The following AKT2 variants were observed in gnomAD, a reference collection of about 807,000 sequenced individuals.
The protein encoded by AKT2 is RAC-beta serine/threonine-protein kinase.
AKT2 carries 16 observed loss-of-function variants against 58.6 expected under a neutral mutation model. The ratio of observed to expected loss-of-function variants is 0.27; its 90% CI spans 0.18 to 0.41. AKT2 has a LOEUF of 0.41. Among genes scored for constraint, AKT2 ranks in the 10% least tolerant of loss-of-function variants. The pLI, the probability that AKT2 is intolerant of heterozygous loss-of-function variation, is 1.00. For missense variants in AKT2, 438 were observed against 661.0 expected (o/e 0.66, Z 3.70); for synonymous variants, 253 against 254.0 (o/e 1.00, Z 0.04).
At chr19:40,240,173 C>A (rs555870471) in intron 6 of AKT2, 63 bp from the exon 7 acceptor site, 1 of 1,516,512 alleles carries the variant, frequency 6.6e-7, no homozygotes, top group Admixed American at 1.7e-5. Context: ...TCCGCCCCGA[C>A]GAAGGGGAGC....
chr19:40,283,680 G>C (rs1209268345), intron 1 of AKT2, among the ~76,000 whole-genome samples: 3 of 152,104 alleles, frequency 2.0e-5, no homozygotes, highest in Non-Finnish European at 2.9e-5. Flanking sequence ...CAGACCTCTG[G>C]GGCTGGCTGC....
Position 40,237,140 on chromosome 19 carries a change from C to A in AKT2, c.832-755G>T, listed in dbSNP as rs1438356162. ...GTGTGTAGCTGTAGCTCATTCCTAACTGCTGTGTGGCGTCCCACTGTGAGA... is the reference window on the plus strand; with the variant it reads ...GTGTGTAGCTGTAGCTCATTCCTAAATGCTGTGTGGCGTCCCACTGTGAGA... On this transcript the variant is annotated intron_variant, in intron 9 of 13. Coordinates refer to ENST00000392038, the MANE Select transcript of AKT2 (RefSeq NM_001626.6). The surrounding 1 kb of genome is among the most constrained non-coding windows in gnomAD (Gnocchi z 4.5). 1 of 155,140 alleles carries A rather than the reference C, an allele frequency of 6.4e-6. No individual in the cohort carries two copies. The highest frequency in any genetic ancestry group is 1.4e-5 in the Non-Finnish European group (1 of 70,046). 9.6% of individuals were successfully genotyped at this position (155,140 alleles called of 1,614,324 possible). A position where few individuals can be genotyped will look rare whatever the true frequency, so the allele number is the denominator to read the frequency against.
intron 1 of AKT2, among the ~76,000 whole-genome samples, chr19:40,284,315 G>T (rs2145446017): frequency 6.6e-6 from 1 of 152,222 alleles, no homozygotes; most frequent in African/African-American, 2.4e-5. Context: ...TCTTCAGAAT[G>T]TTAAGGCTCA....
chr19:40,262,681 C>A (rs757466453), intron 2 of AKT2, among the ~76,000 whole-genome samples: 1 of 152,220 alleles, frequency 6.6e-6, no homozygotes, highest in Non-Finnish European at 1.5e-5. Context: ...CCACTCCTTG[C>A]TGAAACCTCA....
chr19:40,253,666 T>C (rs915944222), intron 4 of AKT2, among the ~76,000 whole-genome samples: 5 of 152,134 alleles, frequency 3.3e-5, no homozygotes, highest in African/African-American at 1.2e-4. Context: ...CACAAACTTA[T>C]TTTCCCTGTG....
In AKT2 at chr19:40,237,875, C is replaced by T. The variant is rs1248488444; in HGVS notation, c.831+94G>A. 7 of 1,555,978 alleles carry T rather than the reference C, an allele frequency of 4.5e-6. No individual in the cohort carries two copies. The highest frequency in any genetic ancestry group is 1.4e-5 in the African/African-American group (1 of 73,830). ...CCCTGGACCTTGGTGGGGAGCCTGGCGAATGAGGGCAGAAGCTCAGCCCAA... is the reference window on the plus strand; with the variant it reads ...CCCTGGACCTTGGTGGGGAGCCTGGTGAATGAGGGCAGAAGCTCAGCCCAA... On this transcript the variant is annotated intron_variant, in intron 9 of 13. Transcript: ENST00000392038. This position sits in a 1 kb window ranked among gnomAD's most constrained non-coding sequence, Gnocchi z 4.5.
chr19:40,256,269 A>G (rs955203778), intron 3 of AKT2, among the ~76,000 whole-genome samples: 1 of 152,152 alleles, frequency 6.6e-6, no homozygotes, highest in African/African-American at 2.4e-5. Flanking sequence ...ACAGCATGGC[A>G]GGAGAGGATA....
chr19:40,237,918 C>G lies in AKT2; in HGVS notation c.831+51G>C. The G allele has an allele frequency of 6.2e-7, 1 of 1,608,324 alleles. No individual in the cohort carries two copies. The highest frequency in any genetic ancestry group is 8.5e-7 in the Non-Finnish European group (1 of 1,178,228). ...CAGCCCAACTTCCCCAGTGTGAGTC[C>G]CATGTGGTGTGCATGCCACAGGTCA... is the stretch of plus-strand genomic sequence containing the variant. On this transcript the variant is annotated intron_variant, in intron 9 of 13. Transcript: ENST00000392038. The surrounding 1 kb of genome is among the most constrained non-coding windows in gnomAD (Gnocchi z 4.5).
chr19:40,273,795 G>A (rs1468520690), intron 1 of AKT2, among the ~76,000 whole-genome samples: 3 of 152,092 alleles, frequency 2.0e-5, no homozygotes, highest in Non-Finnish European at 4.4e-5. Flanking sequence ...TACACTCTGA[G>A]GGCTCCATGC....
intron 1 of AKT2, chr19:40,275,325 G>A (rs942576444): frequency 9.2e-5 from 42 of 456,618 alleles, no homozygotes; most frequent in African/African-American, 3.4e-4. Flanking sequence ...CCTGACCCAC[G>A]TCGCTCTGCA....
Position 40,237,890 on chromosome 19 carries a change from G to C in AKT2, c.831+79C>G. The C allele has an allele frequency of 1.3e-6, 2 of 1,586,212 alleles. No individual in the cohort carries two copies. The highest frequency in any genetic ancestry group is 1.4e-5 in the African/African-American group (1 of 73,680). On this transcript the variant is annotated intron_variant, in intron 9 of 13. Transcript: ENST00000392038. The surrounding 1 kb of genome is among the most constrained non-coding windows in gnomAD (Gnocchi z 4.5). ...GGGAGCCTGGCGAATGAGGGCAGAA[G>C]CTCAGCCCAACTTCCCCAGTGTGAG... is the stretch of plus-strand genomic sequence containing the variant.
intron 1 of AKT2, chr19:40,275,174 C>G: frequency 2.2e-6 from 1 of 456,934 alleles, no homozygotes; most frequent in Non-Finnish European, 4.4e-6. Context: ...GCTGCCTCCA[C>G]CTCCTTCTGC....
At chr19:40,254,509 C>T (rs1457212988) in intron 4 of AKT2, among the ~76,000 whole-genome samples, 1 of 142,986 alleles carries the variant, frequency 7.0e-6, no homozygotes. Flanking sequence ...GCCTGGGCAA[C>T]AGAGCAAGAC....
chr19:40,239,183 T>G (rs1334331674), intron 7 of AKT2: 2 of 559,990 alleles, frequency 3.6e-6, no homozygotes, highest in Non-Finnish European at 6.4e-6. Flanking sequence ...AAGGGTTACA[T>G]GCTGAACCAT....
rs890597652 is a variant in AKT2 at position 40,285,337 on chromosome 19, T to C, written c.-241A>G. 2.8e-5 allele frequency: 11 copies of C among 391,594 alleles called. No individual in the cohort carries two copies. Among genetic ancestry groups the C allele is most frequent in the African/African-American group, 6.3e-5 (3 of 47,830 alleles). 24.3% of individuals were successfully genotyped at this position (391,594 alleles called of 1,614,324 possible). ...CCTCCTCCGAGGCAGGCCCAACGGC[T>C]AGCACGGCGCGGCCCCCCCCGCCCC... On this transcript the variant is annotated 5_prime_UTR_variant, in exon 1 of 14. Coordinates refer to ENST00000392038, the MANE Select transcript of AKT2 (RefSeq NM_001626.6).
At chr19:40,270,920 G>A (rs1033620664) in intron 1 of AKT2, among the ~76,000 whole-genome samples, 27 of 151,986 alleles carry the variant, frequency 1.8e-4, no homozygotes, top group African/African-American at 6.5e-4. Context: ...GGCTGAGCCA[G>A]GAGGATTGCT....
chr19:40,270,072 C>A (rs1372538951), intron 1 of AKT2, among the ~76,000 whole-genome samples: 1 of 152,230 alleles, frequency 6.6e-6, no homozygotes, highest in Non-Finnish European at 1.5e-5. Context: ...AGGCACTGCA[C>A]CCTCAGGTGG....
chr19:40,282,453 G>A, intron 1 of AKT2: 1 of 484,182 alleles, frequency 2.1e-6, no homozygotes. Flanking sequence ...ACCTGCCCAG[G>A]GTTAAAGGAT....
At chr19:40,271,260 TAC>T (rs1378014356) in intron 1 of AKT2, among the ~76,000 whole-genome samples, 1 of 145,732 alleles carries the variant, frequency 6.9e-6, no homozygotes, top group Non-Finnish European at 1.5e-5. Flanking sequence ...CACGTATATA[TAC>T]ATATATATAT....
Sources: allele counts gnomAD v4.1 joint callset (sites outside exome capture counted in the v4.1 genomes callset), GRCh38; gene constraint gnomAD v4.1.1; non-coding constraint Gnocchi (gnomAD v3.1); transcripts MANE v1.5; gene names NCBI Gene and HGNC (gene_info 2026-07-23, HGNC 2026-07-21).